The following SNX13 variants were observed in gnomAD, a reference collection of about 807,000 sequenced individuals.
SNX13 encodes the protein sorting nexin 13.
SNX13 carries 45 observed loss-of-function variants against 133.6 expected under a neutral mutation model. The observed-to-expected ratio is 0.34, with a 90% CI of 0.27 to 0.43. The LOEUF (loss-of-function observed/expected upper bound fraction) is 0.43, where lower values mean the gene tolerates loss of function less well. Among genes scored for constraint, SNX13 ranks in the 20% least tolerant of loss-of-function variants. The pLI, the probability that SNX13 is intolerant of heterozygous loss-of-function variation, is 1.00. For synonymous variants in SNX13, 414 were observed against 373.9 expected, an observed-to-expected ratio of 1.11 and a Z score of -1.24; for missense variants, 1,032 against 1,145.1, an observed-to-expected ratio of 0.90 and a Z score of 1.43.
intron 2 of SNX13, among the ~76,000 whole-genome samples, chr7:17,894,876 C>T (rs1583663621): frequency 6.6e-6 from 1 of 152,168 alleles, no homozygotes; most frequent in Admixed American, 6.5e-5. Context: ...GTCCTCAGTA[C>T]AAGTATCACA....
chr7:17,824,862 C>T (rs1168717136), intron 17 of SNX13, among the ~76,000 whole-genome samples: 2 of 150,956 alleles, frequency 1.3e-5, no homozygotes, highest in African/African-American at 2.4e-5. Context: ...CTCCACCTCC[C>T]GGGTTCAAGC....
intron 9 of SNX13, among the ~76,000 whole-genome samples, chr7:17,857,098 C>T (rs1237293679): frequency 6.6e-6 from 1 of 151,948 alleles, no homozygotes; most frequent in Admixed American, 6.6e-5. Flanking sequence ...CATCAGAGAC[C>T]ATTATAAATA....
chr7:17,856,256 C>T (rs1791868786), intron 9 of SNX13, among the ~76,000 whole-genome samples: 2 of 152,144 alleles, frequency 1.3e-5, no homozygotes, highest in African/African-American at 4.8e-5. Flanking sequence ...TTCAAAATAA[C>T]TTGTTATAAA....
chr7:17,865,586 A>G (rs1396458154), intron 9 of SNX13, among the ~76,000 whole-genome samples: 1 of 152,202 alleles, frequency 6.6e-6, no homozygotes, highest in Non-Finnish European at 1.5e-5. Flanking sequence ...AAAGCAACCC[A>G]TATCAAAATA....
chr7:17,813,823 C>A (rs1786336164), intron 20 of SNX13, among the ~76,000 whole-genome samples: 1 of 152,042 alleles, frequency 6.6e-6, no homozygotes, highest in Non-Finnish European at 1.5e-5. Context: ...TAGGCCCAAG[C>A]AATCCACCCA....
At chr7:17,887,331 T>C (rs1032425964) in intron 5 of SNX13, among the ~76,000 whole-genome samples, 21 of 152,184 alleles carry the variant, frequency 1.4e-4, no homozygotes, top group Non-Finnish European at 2.8e-4. Flanking sequence ...CATCACACTA[T>C]AATATCTTAT....
Position 17,850,888 on chromosome 7 carries a change from G to A in SNX13, c.914C>T (p.Ala305Val). ...TTCTTCTGCTGCCTTATCTCTGACT[G>A]CTTCTAGCTCTCCAATATTGTCACT... ...KLSDNIGELE[A>V]VRDKAAEELQ... is the part of the protein sequence containing the mutation. The change falls in exon 10 of 26, where the codon GCA becomes GTA. Residue 305 changes from alanine (A) to valine (V), a missense_variant. By Grantham distance (64) the Ala-to-Val change is moderately conservative (BLOSUM62 0). Transcript: ENST00000428135. 1 of 1,612,148 alleles carries A rather than the reference G, an allele frequency of 6.2e-7. No individual in the cohort carries two copies. Among genetic ancestry groups the A allele is most frequent in the Non-Finnish European group, 8.5e-7 (1 of 1,179,128 alleles).
intron 8 of SNX13, among the ~76,000 whole-genome samples, chr7:17,871,470 T>C (rs1254262991): frequency 6.6e-6 from 1 of 152,146 alleles, no homozygotes; most frequent in Non-Finnish European, 1.5e-5. Flanking sequence ...TGCCTTAACC[T>C]TTGAGTTTCC....
chr7:17,872,271 G>A (rs746811567), intron 8 of SNX13, among the ~76,000 whole-genome samples: 1 of 152,128 alleles, frequency 6.6e-6, no homozygotes, highest in Non-Finnish European at 1.5e-5. Context: ...AAGCAAAGGT[G>A]ACTAAAAATG....
chr7:17,914,225 G>C (rs1174566139), intron 1 of SNX13, among the ~76,000 whole-genome samples: 2 of 150,956 alleles, frequency 1.3e-5, no homozygotes, highest in East Asian at 3.9e-4. Flanking sequence ...AAGACTTCGA[G>C]AAATACAGGA....
At chr7:17,892,494 T>C (rs144328881) in intron 3 of SNX13, among the ~76,000 whole-genome samples, 2 of 150,490 alleles carry the variant, frequency 1.3e-5, no homozygotes, top group South Asian at 2.1e-4. Context: ...TTCCTAAGAC[T>C]TATAAGTAAA....
At chr7:17,882,703 A>AG (rs1795502427) in intron 5 of SNX13, 1 of 761,714 alleles carries the variant, frequency 1.3e-6, no homozygotes, top group Non-Finnish European at 1.7e-6. Flanking sequence ...AGGAAACATG[A>AG]TTGAAAAGAA....
chr7:17,837,838 T>C (rs1789329253), intron 13 of SNX13, among the ~76,000 whole-genome samples: 1 of 151,948 alleles, frequency 6.6e-6, no homozygotes, highest in Non-Finnish European at 1.5e-5. Flanking sequence ...TGACACATTT[T>C]TTTTTTTTAA....
chr7:17,939,863 G>A (rs1802596277), intron 1 of SNX13, among the ~76,000 whole-genome samples: 1 of 152,208 alleles, frequency 6.6e-6, no homozygotes, highest in South Asian at 2.1e-4. Context: ...GACCGAGCTC[G>A]GAGGCGGAGG....
intron 15 of SNX13, among the ~76,000 whole-genome samples, chr7:17,833,005 A>C (rs1309349678): frequency 6.6e-6 from 1 of 151,502 alleles, no homozygotes; most frequent in South Asian, 2.1e-4. Context: ...TTTTATCTCC[A>C]TTCTCAAGTG....
chr7:17,893,970 G>GAA (rs11298863), intron 2 of SNX13, among the ~76,000 whole-genome samples: 16 of 126,954 alleles, frequency 1.3e-4, no homozygotes, highest in African/African-American at 3.2e-4. Context: ...AGACTGTCTC[G>GAA]AAAAAAAAAA....
intron 1 of SNX13, among the ~76,000 whole-genome samples, chr7:17,931,659 G>A (rs1801401635): frequency 6.6e-6 from 1 of 152,206 alleles, no homozygotes; most frequent in Non-Finnish European, 1.5e-5. Flanking sequence ...CAAGAGCAAA[G>A]CTGGATTCAC....
At chr7:17,869,632 C>A (rs755283765) in intron 8 of SNX13, among the ~76,000 whole-genome samples, 2 of 152,028 alleles carry the variant, frequency 1.3e-5, no homozygotes, top group African/African-American at 4.8e-5. Flanking sequence ...CCAACTATTA[C>A]CCCCATGATG....
chr7:17,890,258 T>A, intron 5 of SNX13, 105 bp downstream of exon 5: 2 of 1,097,232 alleles, frequency 1.8e-6, no homozygotes, highest in Non-Finnish European at 2.5e-6. Flanking sequence ...TCTGCTGTTC[T>A]ACTTACCTTT....
Sources: allele counts gnomAD v4.1 joint callset (sites outside exome capture counted in the v4.1 genomes callset), GRCh38; gene constraint gnomAD v4.1.1; transcripts MANE v1.5; gene names NCBI Gene and HGNC (gene_info 2026-07-23, HGNC 2026-07-21).